The following SEC22C variants were observed in gnomAD, a reference collection of about 807,000 sequenced individuals.
SEC22C encodes SEC22 homolog C, vesicle trafficking protein.
Under a neutral mutation model 34.7 loss-of-function variants are expected in SEC22C, and 29 were observed. The observed-to-expected ratio is 0.84, with a 90% CI of 0.62 to 1.14. The LOEUF is 1.14. Among genes scored for constraint, SEC22C ranks in the 50% most tolerant of loss-of-function variants. SEC22C has a pLI of 0.00. For synonymous variants in SEC22C, 117 were observed against 132.8 expected, an observed-to-expected ratio of 0.88 and a Z score of 0.82; for missense variants, 337 against 369.0, an observed-to-expected ratio of 0.91 and a Z score of 0.71.
At chr3:42,575,373 A>G (rs1247963645) in intron 1 of SEC22C, among the ~76,000 whole-genome samples, 1 of 152,262 alleles carries the variant, frequency 6.6e-6, no homozygotes, top group East Asian at 1.9e-4. Context: ...CCAATTATAT[A>G]CTATCTACAT....
chr3:42,569,072 A>G lies in SEC22C; in HGVS notation c.-26T>C, dbSNP rs371772824. The G allele has an allele frequency of 8.7e-6, 14 of 1,603,244 alleles. No homozygotes were observed. The highest frequency in any genetic ancestry group is 1.2e-5 in the Non-Finnish European group (14 of 1,173,002). On this transcript the variant is annotated splice_region_variant and 5_prime_UTR_variant, in exon 2 of 7. Transcript: ENST00000264454. ...GGTCCACAAGAGAAGTCATGAGGAC[A>G]CCTGAGGAAAGCAAGGTCACCTTGT... is the stretch of plus-strand genomic sequence containing the variant.
chr3:42,561,970 A>C (rs905358087), intron 3 of SEC22C, among the ~76,000 whole-genome samples: 29 of 149,460 alleles, frequency 1.9e-4, no homozygotes, highest in African/African-American at 7.3e-4. Context: ...AAATGGAGAC[A>C]GTTATTCCTG....
intron 2 of SEC22C, among the ~76,000 whole-genome samples, chr3:42,564,639 TC>T (rs1703123820): frequency 6.6e-6 from 1 of 152,226 alleles, no homozygotes; most frequent in African/African-American, 2.4e-5. Context: ...TATTTTTCCT[TC>T]CCACACAAAG....
Position 42,578,942 on chromosome 3 carries a change from CTT to C in SEC22C, c.-28+2902_-28+2903del, listed in dbSNP as rs766091954. On this transcript the variant is annotated intron_variant, in intron 1 of 6. Coordinates refer to ENST00000264454, the MANE Select transcript of SEC22C (RefSeq NM_032970.4). Reference sequence around the variant, plus strand: ...TGGAAGGTACTATAATCTCAGGACTCTTTGAAATAAAGCTGCTCAAAGACAAC... The same window carrying C: ...TGGAAGGTACTATAATCTCAGGACTCTGAAATAAAGCTGCTCAAAGACAAC... Among the ~76,000 whole-genome samples the C allele has an allele frequency of 2.6e-5, 4 of 152,180 alleles. No individual in the cohort carries two copies. In the East Asian group the frequency reaches 5.8e-4, roughly 22 times the overall value.
chr3:42,600,962 C>A (rs1183716660), exon 1 of SEC22C: 7 of 1,497,842 alleles, frequency 4.7e-6, no homozygotes, highest in Non-Finnish European at 6.3e-6. Context: ...GCCCTGACCG[C>A]TTTTCTCCCC....
At chr3:42,562,623 A>G (rs1702992426) in intron 3 of SEC22C, among the ~76,000 whole-genome samples, 1 of 152,236 alleles carries the variant, frequency 6.6e-6, no homozygotes, top group Non-Finnish European at 1.5e-5. Flanking sequence ...CTGACCATTT[A>G]TAACAAATGC....
chr3:42,560,120 C>CTA (rs534462968), intron 4 of SEC22C, among the ~76,000 whole-genome samples: 1,592 of 92,882 alleles, frequency 0.017, 18 homozygotes, highest in Non-Finnish European at 0.027. Context: ...CTCTCTCTCT[C>CTA]TATATATATA....
chr3:42,556,426 TACAA>T (rs930937297), intron 5 of SEC22C, among the ~76,000 whole-genome samples: 15 of 152,348 alleles, frequency 9.8e-5, no homozygotes, highest in African/African-American at 3.4e-4. Flanking sequence ...TTCTAATGTA[TACAA>T]ACAAACAGAC....
At chr3:42,595,611 AT>A (rs1705005809) in intron 1 of SEC22C, among the ~76,000 whole-genome samples, 1 of 152,184 alleles carries the variant, frequency 6.6e-6, no homozygotes, top group Admixed American at 6.5e-5. Context: ...GGATTTTCTA[AT>A]TTATCATTCT....
chr3:42,591,514 T>A (rs2125740350), intron 1 of SEC22C: 2 of 1,610,666 alleles, frequency 1.2e-6, no homozygotes, highest in Non-Finnish European at 8.5e-7. Flanking sequence ...TTTCTTTCTC[T>A]GATCTTTCAG....
At chr3:42,573,829 A>G (rs1703792571) in intron 1 of SEC22C, among the ~76,000 whole-genome samples, 1 of 152,238 alleles carries the variant, frequency 6.6e-6, no homozygotes, top group South Asian at 2.1e-4. Context: ...ATTGAAAAAT[A>G]TTTCACAGAG....
Position 42,550,390 on chromosome 3 carries a change from T to G in SEC22C, c.*2858A>C. The G allele has an allele frequency of 1.0e-6, 1 of 985,418 alleles. No individual in the cohort carries two copies. Among genetic ancestry groups the G allele is most frequent in the Non-Finnish European group, 1.2e-6 (1 of 829,932 alleles). 61.0% of individuals were successfully genotyped at this position (985,418 alleles called of 1,614,324 possible). On this transcript the variant is annotated 3_prime_UTR_variant, in exon 7 of 7. Coordinates refer to ENST00000264454, the MANE Select transcript of SEC22C (RefSeq NM_032970.4). Reference sequence around the variant, plus strand: ...CTGGGATTTGGAACCAGTTTGCTGGTATCAAGGATCACACAAGAGGCTATA... The same window carrying G: ...CTGGGATTTGGAACCAGTTTGCTGGGATCAAGGATCACACAAGAGGCTATA...
chr3:42,597,555 C>CAAA (rs1240922376), intron 1 of SEC22C, among the ~76,000 whole-genome samples: 2 of 71,988 alleles, frequency 2.8e-5, no homozygotes, highest in African/African-American at 5.0e-5. Context: ...GACTTTGTCT[C>CAAA]AAAAAAAAAA....
Position 42,552,402 on chromosome 3 carries a change from T to C in SEC22C, c.*846A>G. ...AGCGGATCTGTAAAGTGCCACTGAA[T>C]CCATGTTCATTCACCTACTCCAGGT... is the stretch of plus-strand genomic sequence containing the variant. On this transcript the variant is annotated 3_prime_UTR_variant, in exon 7 of 7. Transcript: ENST00000264454. 1 of 985,440 alleles carries C rather than the reference T, an allele frequency of 1.0e-6. No individual in the cohort carries two copies. Among genetic ancestry groups the C allele is most frequent in the Non-Finnish European group, 1.2e-6 (1 of 829,922 alleles). 61.0% of individuals were successfully genotyped at this position (985,440 alleles called of 1,614,324 possible). A position where few individuals can be genotyped will look rare whatever the true frequency, so the allele number is the denominator to read the frequency against.
rs762385829 is a variant in SEC22C at position 42,580,371 on chromosome 3, T to C, written c.-28+1475A>G. On this transcript the variant is annotated intron_variant, in intron 1 of 6. Coordinates refer to ENST00000264454, the MANE Select transcript of SEC22C (RefSeq NM_032970.4). ...CACAAAGTGTTCACCATAAAGTATATACAGAATACAGAAGACTCAAATACA... is the reference window on the plus strand; with the variant it reads ...CACAAAGTGTTCACCATAAAGTATACACAGAATACAGAAGACTCAAATACA... 7 of 152,298 alleles carry C rather than the reference T, an allele frequency of 4.6e-5. No homozygotes were observed. In the East Asian group the frequency reaches 5.8e-4, roughly 13 times the overall value. 9.4% of individuals were successfully genotyped at this position (152,298 alleles called of 1,614,324 possible).
chr3:42,566,811 C>G (rs1194190198), intron 2 of SEC22C: 1 of 422,868 alleles, frequency 2.4e-6, no homozygotes, highest in African/African-American at 2.0e-5. Context: ...TAAGACCAGC[C>G]TGGGCAACAT....
chr3:42,576,559 G>C (rs146112653), intron 1 of SEC22C, among the ~76,000 whole-genome samples: 1 of 151,804 alleles, frequency 6.6e-6, no homozygotes. Context: ...AAAATACTTA[G>C]ATATAAATCT....
chr3:42,593,897 A>G (rs1201320730), intron 1 of SEC22C, among the ~76,000 whole-genome samples: 1 of 152,160 alleles, frequency 6.6e-6, no homozygotes, highest in Admixed American at 6.5e-5. Context: ...AAAGCCCCCT[A>G]GTAGGAGTGT....
rs953153304 is a variant in SEC22C at position 42,551,836 on chromosome 3, T to C, written c.*1412A>G. On this transcript the variant is annotated 3_prime_UTR_variant, in exon 7 of 7. Transcript: ENST00000264454. Reference sequence around the variant, plus strand: ...ATTTTTCTAAAACTACATTCTTACATTCCCTATCCACTCAACTCTTGTAAT... The same window carrying C: ...ATTTTTCTAAAACTACATTCTTACACTCCCTATCCACTCAACTCTTGTAAT... The C allele has an allele frequency of 1.9e-5, 19 of 980,276 alleles. No homozygotes were observed. The highest frequency in any genetic ancestry group is 2.1e-5 in the Non-Finnish European group (17 of 825,246). The allele number at this position is 980,276 out of a possible 1,614,324, so 60.7% of individuals were successfully genotyped here.
Sources: gnomAD v4.1 joint callset for allele counts (sites outside exome capture counted in the v4.1 genomes callset) on GRCh38, gnomAD v4.1.1 for gene constraint, MANE v1.5 for transcripts, NCBI Gene and HGNC (gene_info 2026-07-23, HGNC 2026-07-21) for gene names.